ZFHX3: variants seen among roughly 807,000 people sequenced by gnomAD.
The protein encoded by ZFHX3 is zinc finger homeobox protein 3.
Under a neutral mutation model 279.1 loss-of-function variants are expected in ZFHX3, and 42 were observed. That is an observed-to-expected ratio of 0.15 (90% CI 0.12 to 0.19). The LOEUF (loss-of-function observed/expected upper bound fraction) is 0.19, where lower values mean the gene tolerates loss of function less well. ZFHX3 is among the 10% of genes least tolerant of loss of function. ZFHX3 has a pLI of 1.00. For synonymous variants in ZFHX3, 2,293 were observed against 1,957.8 expected, an observed-to-expected ratio of 1.17 and a Z score of -4.52; for missense variants, 4,981 against 4,754.0, an observed-to-expected ratio of 1.05 and a Z score of -1.40.
intron 1 of ZFHX3, among the ~76,000 whole-genome samples, chr16:73,718,865 C>A (rs2053444814): frequency 6.6e-6 from 1 of 152,110 alleles, no homozygotes; most frequent in Non-Finnish European, 1.5e-5. Context: ...CTGCCCGCCT[C>A]GACCTCCCAA....
chr16:73,031,929 AC>A (rs1964717759), intron 1 of ZFHX3, among the ~76,000 whole-genome samples: 1 of 152,182 alleles, frequency 6.6e-6, no homozygotes, highest in South Asian at 2.1e-4. Flanking sequence ...ACATTCTAGA[AC>A]CTTATAAGAG....
At chr16:72,918,142 G>A (rs542655697) in intron 3 of ZFHX3, among the ~76,000 whole-genome samples, 5 of 152,282 alleles carry the variant, frequency 3.3e-5, no homozygotes, top group Middle Eastern at 6.8e-3. Context: ...TGATCCACAC[G>A]AGTGAGGCCT....
intron 7 of ZFHX3, among the ~76,000 whole-genome samples, chr16:73,119,225 T>C (rs1462874550): frequency 6.6e-6 from 1 of 152,102 alleles, no homozygotes; most frequent in African/African-American, 2.4e-5. Flanking sequence ...TGCCTCAGCC[T>C]CCTGAGTAGC....
chr16:73,660,944 C>T (rs926406071), intron 2 of ZFHX3, among the ~76,000 whole-genome samples: 2 of 152,178 alleles, frequency 1.3e-5, no homozygotes, highest in African/African-American at 2.4e-5. Context: ...CTGATCTACA[C>T]GTATCTACTG....
At chr16:73,127,705 A>G in intron 7 of ZFHX3, 1 of 1,041,282 alleles carries the variant, frequency 9.6e-7, no homozygotes, top group Non-Finnish European at 1.2e-6. Flanking sequence ...AACCTCACTC[A>G]GTAAGGGCTG....
intron 3 of ZFHX3, among the ~76,000 whole-genome samples, chr16:73,449,160 GGTCTAACACATTTT>G: frequency 6.6e-6 from 1 of 152,240 alleles, no homozygotes; most frequent in East Asian, 1.9e-4. Context: ...AATGGACAAA[GGTCTAACACATTTT>G]GAGGGAAAGA....
At chr16:72,949,344 G>A (rs1411400864) in intron 3 of ZFHX3, among the ~76,000 whole-genome samples, 1 of 152,148 alleles carries the variant, frequency 6.6e-6, no homozygotes, top group African/African-American at 2.4e-5. Flanking sequence ...TGGGAGTGAG[G>A]AAAATGAAAA....
In ZFHX3 at chr16:72,787,533, A is replaced by C. The variant is rs1478122967; in HGVS notation, c.10743T>G (p.Pro3581=). The part of the protein sequence containing the change: ...LLPHSACFPD[P]STASTSQSAA... ...CAGACTGCGAGGTAGATGCGGTGCT[A>C]GGATCGGGGAAGCAGGCAGAGTGAG... is the stretch of plus-strand genomic sequence containing the variant. Residue 3581 remains proline (P), a synonymous_variant, in exon 10 of 10, where the codon CCT becomes CCG. Coordinates refer to ENST00000268489, the MANE Select transcript of ZFHX3 (RefSeq NM_006885.4). 1.2e-6 allele frequency: 2 copies of C among 1,613,798 alleles called. No homozygotes were observed. The highest frequency in any genetic ancestry group is 1.7e-6 in the Non-Finnish European group (2 of 1,179,944).
chr16:73,358,453 C>T (rs921891751), intron 3 of ZFHX3, among the ~76,000 whole-genome samples: 2 of 152,188 alleles, frequency 1.3e-5, no homozygotes, highest in Admixed American at 6.5e-5. Flanking sequence ...TTGCAAATGA[C>T]CCGGCGAGTG....
intron 3 of ZFHX3, among the ~76,000 whole-genome samples, chr16:73,435,035 G>A (rs1050288189): frequency 4.6e-5 from 7 of 152,144 alleles, no homozygotes; most frequent in Non-Finnish European, 7.4e-5. Context: ...ATGTTATTAG[G>A]ATTGTGGAAT....
chr16:73,405,599 T>TG (rs2017343886), intron 3 of ZFHX3, among the ~76,000 whole-genome samples: 1 of 152,062 alleles, frequency 6.6e-6, no homozygotes, highest in Admixed American at 6.5e-5. Context: ...TTTGTTTTTT[T>TG]TTTTTAAGAA....
rs386385051 is a variant in ZFHX3 at position 73,214,843 on chromosome 16, C to CTTTTT, written c.-1104+42199_-1104+42203dup. ...ATTACTCCATTGAAATGCTGAAGGC[C>CTTTTT]TTTTTTTTTTTTTTTTTTTTTTTTT... On this transcript the variant is annotated intron_variant, in intron 5 of 17. Transcript: ENST00000641206. Among the ~76,000 whole-genome samples the CTTTTT allele has an allele frequency of 7.4e-4, 59 of 79,254 alleles. 2 individuals carry two copies. The highest frequency in any genetic ancestry group is 1.8e-3 in the East Asian group (5 of 2,726). 52.0% of individuals were successfully genotyped at this position (79,254 alleles called of 152,430 possible).
chr16:73,008,755 T>C (rs1963804955), intron 1 of ZFHX3, among the ~76,000 whole-genome samples: 1 of 152,186 alleles, frequency 6.6e-6, no homozygotes, highest in South Asian at 2.1e-4. Context: ...CCATATTTTT[T>C]TGATGAAATT....
intron 1 of ZFHX3, among the ~76,000 whole-genome samples, chr16:73,758,397 G>A (rs1287203494): frequency 6.6e-6 from 1 of 152,182 alleles, no homozygotes; most frequent in Non-Finnish European, 1.5e-5. Flanking sequence ...CTCAAATTCA[G>A]TCTTCTTTGA....
rs1346386899 is a variant in ZFHX3 at position 72,958,251 on chromosome 16, C to G, written c.1895G>C (p.Gly632Ala). The G allele has an allele frequency of 6.2e-7, 1 of 1,613,858 alleles. No individual in the cohort carries two copies. Among genetic ancestry groups the G allele is most frequent in the Non-Finnish European group, 8.5e-7 (1 of 1,179,752 alleles). Residue 632 changes from glycine to alanine, a missense_variant, in exon 2 of 10, where the codon GGG becomes GCG. Around this residue, in one of 7 missense-constraint regions of ZFHX3, gnomAD observed 1,068 missense variants for 935.2 expected, o/e 1.14. Coordinates refer to ENST00000268489, the MANE Select transcript of ZFHX3 (RefSeq NM_006885.4). ...HAGSLCELGV[G>A]ECPSGSGVEC... is the part of the protein sequence containing the mutation. ...CACGCCACTCCCCGAGGGGCACTCC[C>G]CAACCCCAAGCTCGCAGAGGGAGCC...
intron 4 of ZFHX3, among the ~76,000 whole-genome samples, chr16:73,271,201 A>G (rs1249928153): frequency 6.6e-6 from 1 of 152,156 alleles, no homozygotes; most frequent in East Asian, 1.9e-4. Context: ...GTAGGCTACA[A>G]GCCACCGGGA....
chr16:73,280,541 C>A (rs1284840928), intron 4 of ZFHX3, among the ~76,000 whole-genome samples: 1 of 151,986 alleles, frequency 6.6e-6, no homozygotes, highest in Non-Finnish European at 1.5e-5. Flanking sequence ...AAATGCAAAT[C>A]AAAAGCACAA....
rs1028770266 is a variant in ZFHX3 at position 73,353,559 on chromosome 16, G to A, written c.-1290-35223C>T. ...TCACTGTCATTTCATCTGAGGAAAC[G>A]AAGGCACAGAGAGGTTAAAGAGCAT... is the stretch of plus-strand genomic sequence containing the variant. On this transcript the variant is annotated intron_variant, in intron 3 of 17. Transcript: ENST00000641206. Among the ~76,000 whole-genome samples the A allele has an allele frequency of 3.3e-5, 5 of 152,178 alleles. No homozygotes were observed. In the East Asian group the frequency reaches 5.8e-4, roughly 18 times the overall value.
chr16:72,854,172 G>C (rs2037690573), intron 4 of ZFHX3, among the ~76,000 whole-genome samples: 3 of 152,176 alleles, frequency 2.0e-5, no homozygotes, highest in African/African-American at 7.2e-5. Flanking sequence ...ATGCCATAAA[G>C]ATACTAGCAT....
Sources: gnomAD v4.1 joint callset for allele counts (sites outside exome capture counted in the v4.1 genomes callset) on GRCh38, gnomAD v4.1.1 for gene constraint, gnomAD v4.1.1 regional missense constraint, MANE v1.5 for transcripts, NCBI Gene and HGNC (gene_info 2026-07-23, HGNC 2026-07-21) for gene names.